Variants in EBF2 observed in about 807,000 individuals in gnomAD.
EBF2 encodes the protein transcription factor COE2.
A neutral mutation model predicts 72.8 loss-of-function variants in EBF2; 21 were observed. That is an observed-to-expected ratio of 0.29 (90% CI 0.20 to 0.42). The LOEUF (loss-of-function observed/expected upper bound fraction) is 0.42, where lower values mean the gene tolerates loss of function less well. Among genes scored for constraint, EBF2 ranks in the 10% least tolerant of loss-of-function variants. The pLI is 1.00. For missense variants in EBF2, 637 were observed against 731.2 expected, an observed-to-expected ratio of 0.87 and a Z score of 1.49; for synonymous variants, 299 against 274.2, an observed-to-expected ratio of 1.09 and a Z score of -0.89.
chr8:25,999,534 C>T (rs1804687358), intron 6 of EBF2, among the ~76,000 whole-genome samples: 1 of 152,066 alleles, frequency 6.6e-6, no homozygotes. Flanking sequence ...TTTCTTCCCT[C>T]CGCAATCTTG....
chr8:25,908,858 T>A (rs759558180), intron 6 of EBF2, among the ~76,000 whole-genome samples: 53 of 152,080 alleles, frequency 3.5e-4, no homozygotes, highest in Admixed American at 1.4e-3. Flanking sequence ...AAAATTTTTT[T>A]AAAAAGGCTT....
intron 10 of EBF2, among the ~76,000 whole-genome samples, chr8:25,874,425 T>C (rs1802487612): frequency 2.4e-5 from 2 of 83,152 alleles, no homozygotes; most frequent in Admixed American, 1.3e-4. Context: ...AAAAAATTGT[T>C]TTTTTGCCAA....
intron 6 of EBF2, among the ~76,000 whole-genome samples, chr8:25,944,277 C>T (rs190783761): frequency 5.7e-4 from 87 of 152,264 alleles, no homozygotes; most frequent in Admixed American, 3.9e-4. Flanking sequence ...TATAACCTAG[C>T]ATTCCACCAA....
chr8:25,923,797 C>A (rs1288016122), intron 6 of EBF2, among the ~76,000 whole-genome samples: 2 of 152,108 alleles, frequency 1.3e-5, no homozygotes, highest in African/African-American at 4.8e-5. Flanking sequence ...ATTTTCTAAC[C>A]CAAGACAACA....
chr8:26,040,541 G>A, intron 4 of EBF2, 75 bp downstream of exon 4: 1 of 1,430,204 alleles, frequency 7.0e-7, no homozygotes, highest in South Asian at 1.3e-5. Flanking sequence ...GGAGGGGCAG[G>A]TCAGAAACAA....
intron 10 of EBF2, among the ~76,000 whole-genome samples, chr8:25,874,533 C>CT: frequency 6.6e-6 from 1 of 152,192 alleles, no homozygotes; most frequent in East Asian, 1.9e-4. Context: ...ATGTAGACCT[C>CT]TAAGTTCTCT....
chr8:25,850,964 C>T lies in EBF2; in HGVS notation c.1529-203G>A, dbSNP rs4310216. On this transcript the variant is annotated intron_variant, in intron 14 of 15. Transcript: ENST00000520164. ...CATAAAACAACTAATATGGTAATGA[C>T]GCTATTAGAGGAAGGTACCCAATGC... 5.4e-3 allele frequency among the ~76,000 whole-genome samples: 816 copies of T among 151,878 alleles called. 15 individuals are homozygous for T. The East Asian group carries it at 0.063, about 12-fold the overall frequency.
intron 6 of EBF2, among the ~76,000 whole-genome samples, chr8:25,950,143 C>G (rs571595121): frequency 6.6e-6 from 1 of 152,276 alleles, no homozygotes; most frequent in East Asian, 1.9e-4. Flanking sequence ...AACGAGGTGC[C>G]CCACTGAGCT....
In EBF2 at chr8:25,844,524, A is replaced by T. The variant is rs534567518; in HGVS notation, c.*85T>A. On this transcript the variant is annotated 3_prime_UTR_variant, in exon 16 of 16. Transcript: ENST00000520164. ...ATCATGTTCATGTGGGGGCACCACT[A>T]CACCCCCAAAAGAGCTCCTAGTGCT... The T allele has an allele frequency of 5.6e-5, 84 of 1,504,388 alleles. No individual in the cohort carries two copies. Among genetic ancestry groups the T allele is most frequent in the Non-Finnish European group, 7.6e-5 (82 of 1,081,742 alleles). 93.2% of individuals were successfully genotyped at this position (1,504,388 alleles called of 1,614,324 possible). A position where few individuals can be genotyped will look rare whatever the true frequency, so the allele number is the denominator to read the frequency against.
chr8:26,033,179 T>A (rs372886250), intron 5 of EBF2, 26 bp from the exon 6 acceptor site: 3 of 1,609,264 alleles, frequency 1.9e-6, no homozygotes, highest in Non-Finnish European at 2.6e-6. Context: ...GAACCAAGAG[T>A]GAAAGAAATT....
intron 13 of EBF2, among the ~76,000 whole-genome samples, chr8:25,859,999 G>A (rs754381192): frequency 5.3e-5 from 8 of 151,660 alleles, no homozygotes; most frequent in Non-Finnish European, 8.8e-5. Flanking sequence ...TTACAAGCGT[G>A]AGCCACCACA....
chr8:25,931,499 G>C (rs746844843), intron 6 of EBF2, among the ~76,000 whole-genome samples: 1 of 152,174 alleles, frequency 6.6e-6, no homozygotes, highest in Non-Finnish European at 1.5e-5. Context: ...TATGGGCATA[G>C]AGAGAATAAT....
chr8:26,043,640 C>T (rs1805648155), intron 1 of EBF2, among the ~76,000 whole-genome samples: 1 of 152,216 alleles, frequency 6.6e-6, no homozygotes, highest in Non-Finnish European at 1.5e-5. Context: ...CTTCTGCTTT[C>T]TCCGCTCCAA....
intron 6 of EBF2, among the ~76,000 whole-genome samples, chr8:25,995,992 C>T (rs1804620997): frequency 6.6e-6 from 1 of 151,882 alleles, no homozygotes; most frequent in African/African-American, 2.4e-5. Context: ...ATAAAATAGA[C>T]TAAAAAATAA....
intron 14 of EBF2, among the ~76,000 whole-genome samples, chr8:25,856,474 ACT>A (rs1189765541): frequency 6.6e-6 from 1 of 152,000 alleles, no homozygotes; most frequent in Non-Finnish European, 1.5e-5. Flanking sequence ...TCATTCAATA[ACT>A]CTTCATCTCT....
chr8:25,858,495 C>T lies in EBF2; in HGVS notation c.1352G>A (p.Arg451His), dbSNP rs574403399. Residue 451 changes from arginine (R) to histidine (H), a missense_variant, in exon 14 of 16, where the codon CGC becomes CAC. Arg to His is a conservative substitution (Grantham distance 29). Coordinates refer to ENST00000520164, the MANE Select transcript of EBF2 (RefSeq NM_022659.4). The stretch of plus-strand genomic sequence containing the variant: ...CCGCGGAGAGATGCTGCTTGTGTTG[C>T]GGATGTACCCTTGGCAACAAAGAAA... ...STQGNNQGYI[R>H]NTSSISPRGY... 20 of 1,613,252 alleles carry T rather than the reference C, an allele frequency of 1.2e-5. No individual in the cohort carries two copies. Among genetic ancestry groups the T allele is most frequent in the African/African-American group, 2.7e-5 (2 of 74,924 alleles).
At chr8:25,935,069 C>T (rs756860560) in intron 6 of EBF2, among the ~76,000 whole-genome samples, 1 of 152,188 alleles carries the variant, frequency 6.6e-6, no homozygotes. Flanking sequence ...GACAACTAGA[C>T]TCAATTGACT....
intron 14 of EBF2, among the ~76,000 whole-genome samples, chr8:25,855,004 C>T (rs911811389): frequency 3.9e-5 from 6 of 152,082 alleles, no homozygotes; most frequent in African/African-American, 1.4e-4. Flanking sequence ...GTTAAATAGA[C>T]AATCTTTTGG....
At chr8:25,928,407 C>G (rs1196304324) in intron 6 of EBF2, among the ~76,000 whole-genome samples, 1 of 152,150 alleles carries the variant, frequency 6.6e-6, no homozygotes, top group Non-Finnish European at 1.5e-5. Context: ...GTCCTCTTCT[C>G]CCCACGACCA....
Sources: gnomAD v4.1 joint callset for allele counts (sites outside exome capture counted in the v4.1 genomes callset) on GRCh38, gnomAD v4.1.1 for gene constraint, MANE v1.5 for transcripts, NCBI Gene and HGNC (gene_info 2026-07-23, HGNC 2026-07-21) for gene names.